Variants in IMMP2L observed in about 807,000 individuals in gnomAD.
IMMP2L encodes the protein mitochondrial inner membrane protease subunit 2.
IMMP2L carries 18 observed loss-of-function variants against 19.3 expected under a neutral mutation model. The observed-to-expected ratio is 0.93, with a 90% CI of 0.64 to 1.38. The LOEUF (loss-of-function observed/expected upper bound fraction) is 1.38, where lower values mean the gene tolerates loss of function less well. IMMP2L is among the 40% of genes most tolerant of loss of function. IMMP2L has a pLI of 0.00. For synonymous variants in IMMP2L, 76 were observed against 73.0 expected (o/e 1.04, Z -0.21); for missense variants, 233 against 218.2 (o/e 1.07, Z -0.43).
rs138196560 is a variant in IMMP2L, at chr7:111,498,985, T to C, written c.136-11644A>G. On this transcript the variant is annotated intron_variant, in intron 2 of 5. Transcript: ENST00000405709. ...AAAAAAGGATATATACCTTATATCA[T>C]TTATCTACTGCTACAAAACAAACCA... Among the ~76,000 whole-genome samples the C allele has an allele frequency of 3.6e-4, 55 of 152,316 alleles. 1 individual carries two copies. The highest frequency in any genetic ancestry group is 1.2e-3 in the African/African-American group (49 of 41,572).
intron 5 of IMMP2L, among the ~76,000 whole-genome samples, chr7:110,681,092 G>A (rs1193225505): frequency 6.6e-6 from 1 of 151,962 alleles, no homozygotes; most frequent in African/African-American, 2.4e-5. Flanking sequence ...ATGGGTTTGG[G>A]TTGGTAGGCT....
chr7:110,843,946 G>A (rs1269403006), intron 5 of IMMP2L, among the ~76,000 whole-genome samples: 1 of 152,152 alleles, frequency 6.6e-6, no homozygotes, highest in Non-Finnish European at 1.5e-5. Flanking sequence ...TGGGATAGGA[G>A]GAAGGGGCTG....
intron 3 of IMMP2L, among the ~76,000 whole-genome samples, chr7:111,338,494 C>A (rs780045242): frequency 4.0e-5 from 6 of 151,886 alleles, no homozygotes; most frequent in Non-Finnish European, 8.8e-5. Context: ...AATGGATATG[C>A]CATAAATCAA....
At chr7:111,518,404 T>G (rs1318604911) in intron 2 of IMMP2L, among the ~76,000 whole-genome samples, 2 of 152,134 alleles carry the variant, frequency 1.3e-5, no homozygotes, top group African/African-American at 4.8e-5. Context: ...TGGATATTTC[T>G]TAAATAATGT....
chr7:111,215,327 A>G (rs1270908903), intron 3 of IMMP2L, among the ~76,000 whole-genome samples: 1 of 152,176 alleles, frequency 6.6e-6, no homozygotes, highest in Non-Finnish European at 1.5e-5. Context: ...AAAAGTTGCT[A>G]AGTAACAGTA....
rs559112909 is a variant in IMMP2L, at chr7:110,764,953, G to C, written c.409-101232C>G. On this transcript the variant is annotated intron_variant, in intron 5 of 5. Coordinates refer to ENST00000405709, the MANE Select transcript of IMMP2L (RefSeq NM_032549.4). ...TTGTATTGATCGAAGATGATGAAGGGAAGAGCTACTGGAAACTATACCGAT... is the reference window on the plus strand; with the variant it reads ...TTGTATTGATCGAAGATGATGAAGGCAAGAGCTACTGGAAACTATACCGAT... Among the ~76,000 whole-genome samples the C allele has an allele frequency of 3.9e-4, 60 of 152,154 alleles. No homozygotes were observed. In the Middle Eastern group the frequency reaches 0.017, roughly 43 times the overall value.
At chr7:111,119,326 T>G (rs570581144) in intron 3 of IMMP2L, among the ~76,000 whole-genome samples, 1 of 152,322 alleles carries the variant, frequency 6.6e-6, no homozygotes, top group South Asian at 2.1e-4. Flanking sequence ...CATACGGAAT[T>G]GTAACCATCT....
chr7:111,129,005 A>G (rs1801591810), intron 3 of IMMP2L, among the ~76,000 whole-genome samples: 1 of 152,228 alleles, frequency 6.6e-6, no homozygotes, highest in Non-Finnish European at 1.5e-5. Context: ...TACTCTATCC[A>G]CATTAACCCT....
intron 3 of IMMP2L, chr7:111,091,618 G>A (rs960151005): frequency 1.3e-5 from 2 of 152,126 alleles, no homozygotes; most frequent in African/African-American, 4.8e-5. Flanking sequence ...TGAATTCTAA[G>A]AGCATTTTTC....
At chr7:111,232,957 G>A (rs917689023) in intron 3 of IMMP2L, among the ~76,000 whole-genome samples, 1 of 151,994 alleles carries the variant, frequency 6.6e-6, no homozygotes, top group Admixed American at 6.6e-5. Flanking sequence ...CTGGTACGAT[G>A]TACTCCCAAT....
chr7:110,982,345 AG>A, intron 3 of IMMP2L, among the ~76,000 whole-genome samples: 1 of 152,176 alleles, frequency 6.6e-6, no homozygotes, highest in East Asian at 1.9e-4. Context: ...TCTCTATTTA[AG>A]GCAACAGTTT....
chr7:110,954,600 C>G (rs1243821316), intron 4 of IMMP2L, among the ~76,000 whole-genome samples: 1 of 152,040 alleles, frequency 6.6e-6, no homozygotes, highest in Admixed American at 6.6e-5. Flanking sequence ...GGAGTATACA[C>G]TATTACAATT....
chr7:111,044,278 G>A (rs745559378), intron 3 of IMMP2L, among the ~76,000 whole-genome samples: 1 of 152,006 alleles, frequency 6.6e-6, no homozygotes, highest in Admixed American at 6.6e-5. Context: ...GTACATACTG[G>A]GCTGAGCATG....
intron 3 of IMMP2L, among the ~76,000 whole-genome samples, chr7:111,265,457 C>G (rs554522012): frequency 3.3e-5 from 5 of 152,128 alleles, no homozygotes; most frequent in African/African-American, 1.2e-4. Context: ...AGGAGCTGTA[C>G]TAATGAAAAT....
At chr7:111,487,409 C>A in intron 2 of IMMP2L, 68 bp from the exon 3 acceptor site, 2 of 906,924 alleles carry the variant, frequency 2.2e-6, no homozygotes. Context: ...TCTTGCACTT[C>A]ACAGCTCGAG....
At chr7:111,413,386 A>G (rs1394329904) in intron 3 of IMMP2L, among the ~76,000 whole-genome samples, 1 of 152,034 alleles carries the variant, frequency 6.6e-6, no homozygotes, top group Non-Finnish European at 1.5e-5. Context: ...AAATCCAGAT[A>G]GAGATTACAA....
intron 3 of IMMP2L, among the ~76,000 whole-genome samples, chr7:111,225,509 G>A (rs965143647): frequency 6.6e-6 from 1 of 151,866 alleles, no homozygotes; most frequent in African/African-American, 2.4e-5. Context: ...TTTGGAGTGA[G>A]AAAATACAAA....
In IMMP2L at chr7:111,199,728, A is replaced by G. The variant is rs978611870; in HGVS notation, c.240-236163T>C. On this transcript the variant is annotated intron_variant, in intron 3 of 5. Coordinates refer to ENST00000405709, the MANE Select transcript of IMMP2L (RefSeq NM_032549.4). The stretch of plus-strand genomic sequence containing the variant: ...ACTATCAAAAGCAGCAAACTCTGCT[A>G]AAGTTAAAATTACAATCTTATGAGT... Among the ~76,000 whole-genome samples, 10 of 152,106 alleles carry G rather than the reference A, an allele frequency of 6.6e-5. 1 individual carries two copies. Among genetic ancestry groups the G allele is most frequent in the Admixed American group, 6.5e-4 (10 of 15,276 alleles).
chr7:111,531,719 G>C (rs1484778369), intron 1 of IMMP2L, among the ~76,000 whole-genome samples: 2 of 151,950 alleles, frequency 1.3e-5, no homozygotes, highest in Non-Finnish European at 2.9e-5. Context: ...GAAGCTAAAG[G>C]CAACGTGAAT....
Sources: gnomAD v4.1 joint callset for allele counts (sites outside exome capture counted in the v4.1 genomes callset) on GRCh38, gnomAD v4.1.1 for gene constraint, MANE v1.5 for transcripts, NCBI Gene and HGNC (gene_info 2026-07-23, HGNC 2026-07-21) for gene names.